Variants in ADAM12 observed in about 807,000 individuals in gnomAD.
ADAM12 encodes the protein disintegrin and metalloproteinase domain-containing protein 12.
A neutral mutation model predicts 106.4 loss-of-function variants in ADAM12; 70 were observed. The ratio of observed to expected loss-of-function variants is 0.66; its 90% CI spans 0.54 to 0.80. The LOEUF (loss-of-function observed/expected upper bound fraction) is 0.80. Ranked by LOEUF, ADAM12 falls within the 30% of genes least tolerant of loss-of-function variation. The pLI, the probability that ADAM12 is intolerant of heterozygous loss-of-function variation, is 0.00. For missense variants in ADAM12, 1,010 were observed against 1,171.9 expected (o/e 0.86, Z 2.02); for synonymous variants, 420 against 433.5 (o/e 0.97, Z 0.39).
chr10:126,348,545 G>A (rs1341866512), intron 1 of ADAM12, among the ~76,000 whole-genome samples: 5 of 152,100 alleles, frequency 3.3e-5, no homozygotes, highest in African/African-American at 9.7e-5. Flanking sequence ...ATGCATATGA[G>A]GAGAAAAAAG....
intron 5 of ADAM12, among the ~76,000 whole-genome samples, chr10:126,133,591 C>T (rs181671596): frequency 2.0e-4 from 31 of 152,200 alleles, no homozygotes; most frequent in Admixed American, 2.0e-3. Flanking sequence ...GCTGGAGTGC[C>T]CCTGTAAAAA....
At chr10:126,167,134 C>A (rs114836908) in intron 3 of ADAM12, among the ~76,000 whole-genome samples, 1 of 152,160 alleles carries the variant, frequency 6.6e-6, no homozygotes, top group Non-Finnish European at 1.5e-5. Context: ...CAGTCACTAA[C>A]GTTCATTTGA....
intron 2 of ADAM12, among the ~76,000 whole-genome samples, chr10:126,296,458 C>T (rs118063153): frequency 0.021 from 3,133 of 152,184 alleles, 60 homozygotes; most frequent in Middle Eastern, 0.075. Context: ...TAAATGTAGT[C>T]GAGAAGAACA....
At chr10:126,167,918 G>A (rs917034976) in intron 3 of ADAM12, among the ~76,000 whole-genome samples, 8 of 152,178 alleles carry the variant, frequency 5.3e-5, no homozygotes, top group African/African-American at 1.9e-4. Flanking sequence ...TAAGAAATGT[G>A]TTCAAGGCCA....
chr10:126,156,112 G>T (rs537933598), intron 3 of ADAM12, among the ~76,000 whole-genome samples: 1 of 152,274 alleles, frequency 6.6e-6, no homozygotes, highest in East Asian at 1.9e-4. Context: ...AACTACCGCT[G>T]CCAGGTGCTA....
At chr10:126,118,683 A>T (rs937812705) in intron 5 of ADAM12, among the ~76,000 whole-genome samples, 1 of 152,182 alleles carries the variant, frequency 6.6e-6, no homozygotes, top group African/African-American at 2.4e-5. Flanking sequence ...GTAATGGTGA[A>T]GTCTAGGATT....
chr10:126,181,948 T>C (rs945235882), intron 3 of ADAM12, among the ~76,000 whole-genome samples: 1 of 152,150 alleles, frequency 6.6e-6, no homozygotes, highest in Admixed American at 6.5e-5. Context: ...CATCCATTAG[T>C]CTGCTGCCTA....
Position 126,061,481 on chromosome 10 carries a change from A to T in ADAM12, c.1609+3325T>A, listed in dbSNP as rs200362827. ...ACATCCTTGTCTAAAACCTATGCAC[A>T]TGTTATCTGACATGGCAAAAGGGAC... On this transcript the variant is annotated intron_variant, in intron 14 of 22. Coordinates refer to ENST00000448723, the MANE Select transcript of ADAM12 (RefSeq NM_001288973.2). 2.6e-5 allele frequency among the ~76,000 whole-genome samples: 4 copies of T among 152,310 alleles called. No individual in the cohort carries two copies. In the East Asian group the frequency reaches 5.8e-4, roughly 22 times the overall value.
At chr10:126,235,135 G>T (rs1958388683) in intron 3 of ADAM12, among the ~76,000 whole-genome samples, 1 of 152,208 alleles carries the variant, frequency 6.6e-6, no homozygotes, top group Non-Finnish European at 1.5e-5. Flanking sequence ...GTCCAGGCCA[G>T]GCCACCGCAG....
intron 2 of ADAM12, among the ~76,000 whole-genome samples, chr10:126,279,893 A>G (rs755935827): frequency 6.6e-6 from 1 of 152,194 alleles, no homozygotes; most frequent in Non-Finnish European, 1.5e-5. Flanking sequence ...ACCACACTCA[A>G]TTAGTGCTTC....
In ADAM12 at chr10:126,169,343, C is replaced by CAG. The variant is rs1301350696; in HGVS notation, c.261-14039_261-14038insCT. Among the ~76,000 whole-genome samples, 8 of 152,342 alleles carry CAG rather than the reference C, an allele frequency of 5.3e-5. No homozygotes were observed. In the East Asian group the frequency reaches 1.5e-3, roughly 29 times the overall value. On this transcript the variant is annotated intron_variant, in intron 3 of 22. Transcript: ENST00000448723. ...AAGGTTCTGCCCTGTTCCTTGAGCA[C>CAG]ATAGTGCCATTTCTCATTTATTTGC...
rs1011410834 is a variant in ADAM12 at position 126,043,841 on chromosome 10, G to A, written c.1996-693C>T. Among the ~76,000 whole-genome samples the A allele has an allele frequency of 1.3e-5, 2 of 152,194 alleles. No individual in the cohort carries two copies. Among genetic ancestry groups the A allele is most frequent in the African/African-American group, 4.8e-5 (2 of 41,450 alleles). On this transcript the variant is annotated intron_variant, in intron 17 of 22. Transcript: ENST00000448723. This position sits in a 1 kb window ranked among gnomAD's most constrained non-coding sequence, Gnocchi z 4.1. ...CGCACCAGGGTGCGAATCCAACAGT[G>A]GATTCTTTTCATTGTGAAATAAGAG...
At chr10:126,362,762 G>T (rs916764156) in intron 1 of ADAM12, among the ~76,000 whole-genome samples, 2 of 152,162 alleles carry the variant, frequency 1.3e-5, no homozygotes, top group Non-Finnish European at 2.9e-5. Context: ...GAGTAGAATG[G>T]TGGTTACCAA....
chr10:126,220,424 C>T (rs968623071), intron 3 of ADAM12, among the ~76,000 whole-genome samples: 2 of 152,042 alleles, frequency 1.3e-5, no homozygotes, highest in African/African-American at 4.8e-5. Flanking sequence ...TTTGTTGTGC[C>T]TGGAGAGGAG....
At chr10:126,343,569 G>C (rs909157829) in intron 1 of ADAM12, among the ~76,000 whole-genome samples, 1 of 152,138 alleles carries the variant, frequency 6.6e-6, no homozygotes, top group African/African-American at 2.4e-5. Flanking sequence ...GGGTCAAATG[G>C]TATTTCTAGT....
chr10:126,136,228 G>A (rs981969841), intron 4 of ADAM12, among the ~76,000 whole-genome samples: 6 of 152,128 alleles, frequency 3.9e-5, no homozygotes, highest in East Asian at 1.9e-4. Context: ...AAAAGTTCCC[G>A]TGTGTCATGC....
rs1186817982 is a variant in ADAM12, at chr10:126,334,392, G to GA, written c.89-3884dup. Among the ~76,000 whole-genome samples, 6 of 152,252 alleles carry GA rather than the reference G, an allele frequency of 3.9e-5. No homozygotes were observed. In the Middle Eastern group the frequency reaches 0.01, roughly 259 times the overall value. Reference sequence around the variant, plus strand: ...AAGCTTTTTTGCCACTGCGTAACCTGATACACTGCTTGCAGTTTTGATAAA... The same window carrying GA: ...AAGCTTTTTTGCCACTGCGTAACCTGAATACACTGCTTGCAGTTTTGATAAA... On this transcript the variant is annotated intron_variant, in intron 1 of 22. Transcript: ENST00000448723.
At chr10:126,153,391 A>T (rs1279700119) in intron 4 of ADAM12, among the ~76,000 whole-genome samples, 1 of 152,180 alleles carries the variant, frequency 6.6e-6, no homozygotes, top group Non-Finnish European at 1.5e-5. Flanking sequence ...TAGTTTAGTT[A>T]TTCCAAGTTA....
chr10:126,157,139 G>A (rs1038334779), intron 3 of ADAM12, among the ~76,000 whole-genome samples: 9 of 152,166 alleles, frequency 5.9e-5, no homozygotes, highest in East Asian at 1.9e-4. Flanking sequence ...TGGGGATGAC[G>A]TCTTTCTTCT....
Sources: allele counts gnomAD v4.1 joint callset (sites outside exome capture counted in the v4.1 genomes callset), GRCh38; gene constraint gnomAD v4.1.1; non-coding constraint Gnocchi (gnomAD v3.1); transcripts MANE v1.5; gene names NCBI Gene and HGNC (gene_info 2026-07-23, HGNC 2026-07-21).